Variants in CTNNA2 observed in about 807,000 individuals in gnomAD.
The protein encoded by CTNNA2 is catenin alpha 2.
CTNNA2 carries 42 observed loss-of-function variants against 101.0 expected under a neutral mutation model. The observed-to-expected ratio is 0.42, with a 90% confidence interval of 0.32 to 0.54. The LOEUF is 0.54. CTNNA2 is among the 20% of genes least tolerant of loss of function. CTNNA2 has a pLI of 0.14. For synonymous variants in CTNNA2, 450 were observed against 456.4 expected (o/e 0.99, Z 0.18); for missense variants, 871 against 1,223.1 (o/e 0.71, Z 4.29).
At chr2:79,415,577 C>T (rs1678470130) in intron 4 of CTNNA2, among the ~76,000 whole-genome samples, 1 of 152,036 alleles carries the variant, frequency 6.6e-6, no homozygotes, top group South Asian at 2.1e-4. Context: ...GTCACATAAA[C>T]TTATTTAGTA....
intron 1 of CTNNA2, among the ~76,000 whole-genome samples, chr2:79,641,141 G>T (rs1680423305): frequency 2.0e-5 from 3 of 152,158 alleles, no homozygotes; most frequent in African/African-American, 7.2e-5. Context: ...TATCTGCCTG[G>T]TTACAAAGAG....
intron 2 of CTNNA2, among the ~76,000 whole-genome samples, chr2:79,219,985 C>T (rs4853441): frequency 0.019 from 2,902 of 152,226 alleles, 140 homozygotes; most frequent in East Asian, 0.16. Flanking sequence ...AGGAGTTTTC[C>T]TATTCATCTT....
At position 79,398,432 on chromosome 2, in the gene CTNNA2, G is replaced by A. The variant is rs561553173; in HGVS notation, c.-135+24419G>A. ...GTAACTCATGCCTATAGTCTACAGT[G>A]TCAAACCACCTGAGTTTTTTATTCA... On this transcript the variant is annotated intron_variant, in intron 4 of 21. Transcript: ENST00000466387. Among the ~76,000 whole-genome samples the A allele has an allele frequency of 2.0e-5, 3 of 152,190 alleles. No homozygotes were observed. The South Asian group carries it at 6.2e-4, about 32-fold the overall frequency.
At chr2:79,618,016 A>G (rs1678745300) in intron 1 of CTNNA2, among the ~76,000 whole-genome samples, 1 of 152,092 alleles carries the variant, frequency 6.6e-6, no homozygotes, top group Non-Finnish European at 1.5e-5. Context: ...TATCTCTTTG[A>G]TCAGAGAGCT....
chr2:79,853,234 GC>G (rs1291302456), intron 3 of CTNNA2, among the ~76,000 whole-genome samples: 3 of 151,670 alleles, frequency 2.0e-5, no homozygotes, highest in African/African-American at 7.3e-5. Context: ...GTTCACTGCA[GC>G]CTCAAACTCC....
At chr2:80,519,139 G>A (rs576525950) in intron 9 of CTNNA2, among the ~76,000 whole-genome samples, 9 of 152,252 alleles carry the variant, frequency 5.9e-5, no homozygotes, top group African/African-American at 1.9e-4. Flanking sequence ...GTGTACGTGT[G>A]TGTGTATGTA....
intron 9 of CTNNA2, among the ~76,000 whole-genome samples, chr2:80,527,893 G>A (rs1255926219): frequency 3.3e-5 from 5 of 152,170 alleles, no homozygotes; most frequent in Admixed American, 2.6e-4. Flanking sequence ...AAATGCCCAC[G>A]TCTTGTCCAT....
rs561772924 is a variant in CTNNA2 at position 80,308,449 on chromosome 2, A to G, written c.1057-84762A>G. Among the ~76,000 whole-genome samples, 5 of 152,324 alleles carry G rather than the reference A, an allele frequency of 3.3e-5. No individual in the cohort carries two copies. In the East Asian group the frequency reaches 9.6e-4, roughly 29 times the overall value. On this transcript the variant is annotated intron_variant, in intron 7 of 18. Transcript: ENST00000402739. ...GGCTTTTCTTTAAAAGGAAACCTTT[A>G]GAAGAATTGGCGGAGAGTGGGAGTC... is the stretch of plus-strand genomic sequence containing the variant.
chr2:79,949,562 G>A (rs1006871813), intron 7 of CTNNA2, among the ~76,000 whole-genome samples: 2 of 152,100 alleles, frequency 1.3e-5, no homozygotes, highest in Non-Finnish European at 2.9e-5. Flanking sequence ...GAGCCCAGGG[G>A]TTTGACATCA....
At chr2:80,493,345 C>A (rs1429822486) in intron 9 of CTNNA2, among the ~76,000 whole-genome samples, 1 of 152,180 alleles carries the variant, frequency 6.6e-6, no homozygotes, top group African/African-American at 2.4e-5. Context: ...TGATCAGCGT[C>A]TCTGGTTTCT....
At chr2:80,033,447 C>A (rs932660720) in intron 7 of CTNNA2, among the ~76,000 whole-genome samples, 3 of 151,958 alleles carry the variant, frequency 2.0e-5, no homozygotes, top group African/African-American at 7.2e-5. Context: ...GTGGCATGCA[C>A]CTGTAGGCCC....
chr2:79,566,797 T>C (rs967310407), intron 1 of CTNNA2, among the ~76,000 whole-genome samples: 2 of 152,178 alleles, frequency 1.3e-5, no homozygotes, highest in Non-Finnish European at 2.9e-5. Context: ...TGTGATAATA[T>C]GAAATACCTT....
chr2:80,048,128 C>T (rs1373857136), intron 7 of CTNNA2, among the ~76,000 whole-genome samples: 1 of 151,778 alleles, frequency 6.6e-6, no homozygotes, highest in Non-Finnish European at 1.5e-5. Context: ...ACAAATTAAA[C>T]AACAACAACA....
chr2:80,094,385 A>G (rs1573054840), intron 7 of CTNNA2, among the ~76,000 whole-genome samples: 1 of 152,310 alleles, frequency 6.6e-6, no homozygotes, highest in East Asian at 1.9e-4. Flanking sequence ...TGGTACCAGT[A>G]CCATGCTGTT....
At chr2:80,622,203 T>C (rs3770366) in intron 18 of CTNNA2, among the ~76,000 whole-genome samples, 3,380 of 151,952 alleles carry the variant, frequency 0.022, 88 homozygotes, top group South Asian at 0.13. Context: ...AGTGAGTGAA[T>C]TGAGTAATTA....
At chr2:80,608,464 C>T in intron 17 of CTNNA2, 146 bp downstream of exon 17, 2 of 719,624 alleles carry the variant, frequency 2.8e-6, no homozygotes, top group Non-Finnish European at 4.2e-6. Flanking sequence ...CACCATTATT[C>T]CAGACCTTAC....
At chr2:80,017,207 G>A (rs1033117172) in intron 7 of CTNNA2, among the ~76,000 whole-genome samples, 1 of 152,056 alleles carries the variant, frequency 6.6e-6, no homozygotes, top group South Asian at 2.1e-4. Context: ...AGTGGGGTGG[G>A]ATCCTGCCTC....
chr2:80,607,355 G>A (rs1558639253), intron 16 of CTNNA2, among the ~76,000 whole-genome samples: 3 of 151,902 alleles, frequency 2.0e-5, no homozygotes, highest in South Asian at 2.1e-4. Context: ...TCAATTCCTC[G>A]GTAGCCATTG....
intron 4 of CTNNA2, among the ~76,000 whole-genome samples, chr2:79,484,754 T>C (rs1037715084): frequency 7.9e-5 from 12 of 152,028 alleles, no homozygotes; most frequent in Non-Finnish European, 1.5e-4. Flanking sequence ...TTCTCAAGAG[T>C]GTGGTCAGCA....
Sources: gnomAD v4.1 joint callset for allele counts (sites outside exome capture counted in the v4.1 genomes callset) on GRCh38, gnomAD v4.1.1 for gene constraint, MANE v1.5 for transcripts, NCBI Gene and HGNC (gene_info 2026-07-23, HGNC 2026-07-21) for gene names.